Variants in GKAP1 observed in about 807,000 individuals in gnomAD.
GKAP1 encodes the protein G kinase anchoring protein 1.
GKAP1 carries 31 observed loss-of-function variants against 56.7 expected under a neutral mutation model. The observed-to-expected ratio is 0.55, with a 90% CI of 0.41 to 0.74. The LOEUF is 0.74. Ranked by LOEUF, GKAP1 falls within the 30% of genes least tolerant of loss-of-function variation. The probability of loss-of-function intolerance (pLI) is 0.00; values close to 1 mark genes in which losing one functional copy is unlikely to be tolerated. For synonymous variants in GKAP1, 151 were observed against 138.6 expected (o/e 1.09, Z -0.63); for missense variants, 364 against 402.3 (o/e 0.90, Z 0.82).
chr9:83,793,987 C>T (rs1320435348), intron 4 of GKAP1, among the ~76,000 whole-genome samples: 1 of 151,870 alleles, frequency 6.6e-6, no homozygotes, highest in African/African-American at 2.4e-5. Context: ...GGCAACATGG[C>T]AAAACCCCAT....
intron 9 of GKAP1, among the ~76,000 whole-genome samples, chr9:83,752,825 C>T (rs1285373643): frequency 6.6e-6 from 1 of 152,030 alleles, no homozygotes; most frequent in Non-Finnish European, 1.5e-5. Flanking sequence ...AATCCCAGCA[C>T]TTTGGGAGGC....
chr9:83,800,769 G>A lies in GKAP1; in HGVS notation c.217-1441C>T, dbSNP rs528602396. On this transcript the variant is annotated intron_variant, in intron 3 of 12. Transcript: ENST00000376371. ...GCCCAGTTTTAGCCAATCACAGGTG[G>A]TCAACTGTCAAACCATGTTCAAATA... 5.9e-5 allele frequency among the ~76,000 whole-genome samples: 9 copies of A among 152,290 alleles called. No individual in the cohort carries two copies. The South Asian group carries it at 1.9e-3, about 32-fold the overall frequency.
chr9:83,766,059 T>G (rs1226092138), intron 8 of GKAP1, among the ~76,000 whole-genome samples: 1 of 152,178 alleles, frequency 6.6e-6, no homozygotes, highest in East Asian at 1.9e-4. Context: ...ATAATTCCCA[T>G]GAGTCCAGGG....
intron 4 of GKAP1, among the ~76,000 whole-genome samples, chr9:83,797,878 T>C (rs747941323): frequency 5.3e-5 from 8 of 152,218 alleles, no homozygotes; most frequent in Non-Finnish European, 1.2e-4. Flanking sequence ...GTAAATTCTA[T>C]TACTGGCTAA....
At chr9:83,772,957 AG>A (rs1217448620) in intron 7 of GKAP1, among the ~76,000 whole-genome samples, 6 of 152,224 alleles carry the variant, frequency 3.9e-5, no homozygotes, top group African/African-American at 1.4e-4. Context: ...CGTAGGAGCT[AG>A]AACTCTCATA....
intron 5 of GKAP1, among the ~76,000 whole-genome samples, chr9:83,787,044 G>C (rs1018773060): frequency 7.9e-5 from 12 of 152,112 alleles, no homozygotes; most frequent in Non-Finnish European, 1.6e-4. Flanking sequence ...AAAACTAGCT[G>C]TATCAATTTT....
intron 8 of GKAP1, among the ~76,000 whole-genome samples, chr9:83,762,993 T>TTTC (rs1943599800): frequency 6.6e-6 from 1 of 152,190 alleles, no homozygotes; most frequent in Admixed American, 6.5e-5. Flanking sequence ...CACTCCCATG[T>TTTC]TTATCACAGC....
intron 8 of GKAP1, among the ~76,000 whole-genome samples, chr9:83,768,271 T>C (rs1254513226): frequency 6.6e-6 from 1 of 152,192 alleles, no homozygotes; most frequent in African/African-American, 2.4e-5. Context: ...TTTCAGGACG[T>C]CTGTTCTCTC....
At chr9:83,748,474 G>T (rs749911516) in intron 9 of GKAP1, 102 bp from the exon 10 acceptor site, 6 of 628,168 alleles carry the variant, frequency 9.6e-6, no homozygotes, top group South Asian at 4.2e-5. Context: ...CTTGCTCAAA[G>T]ATATAATTAC....
intron 9 of GKAP1, chr9:83,748,619 C>A (rs977287195): frequency 1.2e-5 from 3 of 245,462 alleles, no homozygotes; most frequent in Non-Finnish European, 2.3e-5. Context: ...GTGGAGAAAA[C>A]TCAAGATAAT....
chr9:83,801,797 T>C (rs910090788), intron 3 of GKAP1, among the ~76,000 whole-genome samples: 4 of 152,232 alleles, frequency 2.6e-5, no homozygotes, highest in South Asian at 4.1e-4. Context: ...TAAAAGAAAA[T>C]AGTGGGCAAT....
chr9:83,803,417 T>G (rs1002836606), intron 3 of GKAP1, among the ~76,000 whole-genome samples: 1 of 152,178 alleles, frequency 6.6e-6, no homozygotes. Flanking sequence ...CACGCCTGAC[T>G]GGTTTTCGTA....
chr9:83,813,443 T>C (rs1944539569), intron 2 of GKAP1, among the ~76,000 whole-genome samples: 1 of 152,156 alleles, frequency 6.6e-6, no homozygotes, highest in African/African-American at 2.4e-5. Flanking sequence ...CCTCCTCCCT[T>C]TGAGTTCCTT....
At chr9:83,756,289 C>T (rs1943473874) in intron 8 of GKAP1, among the ~76,000 whole-genome samples, 2 of 151,306 alleles carry the variant, frequency 1.3e-5, no homozygotes, top group African/African-American at 4.9e-5. Context: ...CCAGCCTGGC[C>T]AACATGGTGA....
chr9:83,793,566 T>C (rs1169126325), intron 4 of GKAP1, among the ~76,000 whole-genome samples: 2 of 152,206 alleles, frequency 1.3e-5, no homozygotes, highest in Non-Finnish European at 2.9e-5. Context: ...ATTTACTAAG[T>C]CTGTATTTTT....
rs576067814 is a variant in GKAP1, at chr9:83,806,332, C to T, written c.186G>A (p.Lys62=). Reference sequence around the variant, plus strand: ...TTGCTTCACTCTGTTGCTGTTCCTTCTTTTTTCTTCTTTTCTCTCTTTTTT... The same window carrying T: ...TTGCTTCACTCTGTTGCTGTTCCTTTTTTTTTCTTCTTTTCTCTCTTTTTT... ...NEKKREKRRK[K]KEQQQSEANE... The change falls in exon 3 of 13, where the codon AAG becomes AAA. Residue 62 remains lysine (K), a synonymous_variant. Coordinates refer to ENST00000376371, the MANE Select transcript of GKAP1 (RefSeq NM_025211.4). 9.3e-5 allele frequency: 145 copies of T among 1,552,216 alleles called. No homozygotes were observed. Among genetic ancestry groups the T allele is most frequent in the Non-Finnish European group, 1.2e-4 (137 of 1,147,286 alleles).
chr9:83,810,390 T>C (rs889117608), intron 2 of GKAP1, among the ~76,000 whole-genome samples: 1 of 152,252 alleles, frequency 6.6e-6, no homozygotes, highest in Non-Finnish European at 1.5e-5. Context: ...AGTACAATTC[T>C]CTCATTAGAA....
chr9:83,775,706 T>A (rs1323175975), intron 7 of GKAP1, among the ~76,000 whole-genome samples: 2 of 150,566 alleles, frequency 1.3e-5, no homozygotes, highest in African/African-American at 4.9e-5. Context: ...TGAAACCCCG[T>A]CTCTAATAAA....
intron 10 of GKAP1, among the ~76,000 whole-genome samples, chr9:83,743,937 CA>C (rs983817133): frequency 1.1e-4 from 17 of 152,142 alleles, no homozygotes; most frequent in African/African-American, 4.1e-4. Context: ...ACTTTGAAAA[CA>C]AACTAGGAGA....
Sources: allele counts gnomAD v4.1 joint callset (sites outside exome capture counted in the v4.1 genomes callset), GRCh38; gene constraint gnomAD v4.1.1; transcripts MANE v1.5; gene names NCBI Gene and HGNC (gene_info 2026-07-23, HGNC 2026-07-21).